Variants in SCAPER observed in about 807,000 individuals in gnomAD.
SCAPER encodes the protein S-phase cyclin A associated protein in the ER, also known as S phase cyclin A-associated protein in the endoplasmic reticulum.
SCAPER carries 98 observed loss-of-function variants against 182.2 expected under a neutral mutation model. The observed-to-expected ratio is 0.54, with a 90% CI of 0.46 to 0.64. SCAPER has a LOEUF of 0.64. Ranked by LOEUF, SCAPER falls within the 30% of genes least tolerant of loss-of-function variation. The pLI is 0.00. For synonymous variants in SCAPER, 605 were observed against 564.6 expected (o/e 1.07, Z -1.01); for missense variants, 1,432 against 1,690.0 (o/e 0.85, Z 2.68).
chr15:76,534,152 C>T (rs898334648), intron 23 of SCAPER, among the ~76,000 whole-genome samples: 1 of 152,154 alleles, frequency 6.6e-6, no homozygotes, highest in Non-Finnish European at 1.5e-5. Context: ...TATGTTGAGG[C>T]CAGCCATTTC....
chr15:76,388,859 G>A (rs1487849817), intron 27 of SCAPER, among the ~76,000 whole-genome samples: 1 of 151,898 alleles, frequency 6.6e-6, no homozygotes, highest in African/African-American at 2.4e-5. Context: ...TACTCGGGAG[G>A]CTGAGGCAGG....
intron 8 of SCAPER, among the ~76,000 whole-genome samples, chr15:76,777,024 T>C (rs957976319): frequency 3.9e-5 from 6 of 152,052 alleles, no homozygotes; most frequent in Non-Finnish European, 7.4e-5. Flanking sequence ...AAAAAGTCCA[T>C]AGTAAGACAC....
intron 26 of SCAPER, among the ~76,000 whole-genome samples, chr15:76,419,720 CA>C (rs973698050): frequency 6.7e-6 from 1 of 149,494 alleles, no homozygotes; most frequent in East Asian, 2.0e-4. Context: ...AACTCTGTCT[CA>C]AAAAAAAAGA....
At chr15:76,828,264 G>C (rs2068172328) in intron 5 of SCAPER, among the ~76,000 whole-genome samples, 1 of 151,100 alleles carries the variant, frequency 6.6e-6, no homozygotes, top group Admixed American at 6.6e-5. Flanking sequence ...CCAGTTTCTA[G>C]TATTCTGTTA....
chr15:76,513,402 T>TAATATC (rs1486695724), intron 23 of SCAPER, among the ~76,000 whole-genome samples: 4 of 152,208 alleles, frequency 2.6e-5, no homozygotes, highest in Non-Finnish European at 4.4e-5. Flanking sequence ...AGAGATGATT[T>TAATATC]CTTCATCTCA....
intron 26 of SCAPER, among the ~76,000 whole-genome samples, chr15:76,425,847 C>T (rs1257310425): frequency 6.6e-6 from 1 of 152,220 alleles, no homozygotes; most frequent in Non-Finnish European, 1.5e-5. Flanking sequence ...GGACCCTCAG[C>T]TGCAGGTCTG....
intron 23 of SCAPER, among the ~76,000 whole-genome samples, chr15:76,559,973 T>C (rs2046486988): frequency 1.3e-5 from 2 of 152,176 alleles, no homozygotes; most frequent in Admixed American, 1.3e-4. Flanking sequence ...TACTACTTTG[T>C]AAAGAAAGTT....
At chr15:76,473,129 T>C (rs1369480123) in intron 24 of SCAPER, among the ~76,000 whole-genome samples, 1 of 152,214 alleles carries the variant, frequency 6.6e-6, no homozygotes, top group African/African-American at 2.4e-5. Context: ...GGTCAGTTCA[T>C]GAAAAGCTGT....
At chr15:76,640,447 A>C (rs931637180) in intron 21 of SCAPER, among the ~76,000 whole-genome samples, 1 of 152,240 alleles carries the variant, frequency 6.6e-6, no homozygotes, top group African/African-American at 2.4e-5. Flanking sequence ...AAGCTAAAAG[A>C]ACAGATTTTT....
At chr15:76,727,558 T>A (rs1373044240) in intron 17 of SCAPER, among the ~76,000 whole-genome samples, 1 of 151,996 alleles carries the variant, frequency 6.6e-6, no homozygotes, top group African/African-American at 2.4e-5. Context: ...GAAGTAAGAC[T>A]CCTACCTCTA....
chr15:76,453,283 T>C (rs1216031714), intron 25 of SCAPER, among the ~76,000 whole-genome samples: 1 of 152,234 alleles, frequency 6.6e-6, no homozygotes, highest in East Asian at 1.9e-4. Context: ...TTTGTCACCA[T>C]CTAAACCTCA....
intron 23 of SCAPER, among the ~76,000 whole-genome samples, chr15:76,508,144 C>T (rs1397183238): frequency 6.6e-6 from 1 of 152,180 alleles, no homozygotes; most frequent in East Asian, 1.9e-4. Flanking sequence ...ATTCATTTTG[C>T]CTTCTTTTCA....
At chr15:76,460,243 C>T (rs1043916998) in intron 25 of SCAPER, among the ~76,000 whole-genome samples, 1 of 152,068 alleles carries the variant, frequency 6.6e-6, no homozygotes, top group Non-Finnish European at 1.5e-5. Flanking sequence ...GTTTCTTTCT[C>T]AGAGTTTTGT....
At chr15:76,493,380 T>C (rs2052521701) in intron 24 of SCAPER, among the ~76,000 whole-genome samples, 1 of 152,220 alleles carries the variant, frequency 6.6e-6, no homozygotes, top group African/African-American at 2.4e-5. Context: ...AATTGGTGAA[T>C]CTGGTCCTAA....
intron 4 of SCAPER, among the ~76,000 whole-genome samples, chr15:76,850,775 G>A (rs754554715): frequency 4.7e-4 from 70 of 150,530 alleles, no homozygotes; most frequent in Non-Finnish European, 3.5e-4. Context: ...CAGGAGAATC[G>A]CTTGAACCCA....
At chr15:76,696,234 C>G (rs930017720) in intron 20 of SCAPER, among the ~76,000 whole-genome samples, 23 of 152,182 alleles carry the variant, frequency 1.5e-4, no homozygotes, top group South Asian at 2.1e-4. Context: ...CTGGCCAAGA[C>G]AGTCAGCTTA....
intron 23 of SCAPER, among the ~76,000 whole-genome samples, chr15:76,558,537 A>C (rs1016474540): frequency 6.6e-6 from 1 of 152,204 alleles, no homozygotes; most frequent in Non-Finnish European, 1.5e-5. Flanking sequence ...GATGCTGGTG[A>C]AGTTGTTGAG....
At chr15:76,535,351 G>A (rs879900848) in intron 23 of SCAPER, among the ~76,000 whole-genome samples, 15 of 150,940 alleles carry the variant, frequency 9.9e-5, no homozygotes, top group Admixed American at 5.9e-4. Context: ...GTGAGACCCT[G>A]TCTCTACTAA....
intron 8 of SCAPER, among the ~76,000 whole-genome samples, chr15:76,777,155 C>T (rs74825122): frequency 6.6e-6 from 1 of 152,020 alleles, no homozygotes; most frequent in Non-Finnish European, 1.5e-5. Context: ...TAGAGAAACA[C>T]CAATTCAAAT....
Sources: allele counts gnomAD v4.1 joint callset (sites outside exome capture counted in the v4.1 genomes callset), GRCh38; gene constraint gnomAD v4.1.1; transcripts MANE v1.5; gene names NCBI Gene and HGNC (gene_info 2026-07-23, HGNC 2026-07-21).